The following IGSF21 variants were observed in gnomAD, a reference collection of about 807,000 sequenced individuals.
The protein encoded by IGSF21 is immunoglobin superfamily member 21.
IGSF21 carries 28 observed loss-of-function variants against 46.8 expected under a neutral mutation model. The ratio of observed to expected loss-of-function variants is 0.60; its 90% CI spans 0.44 to 0.82. IGSF21 has a LOEUF of 0.82. Among genes scored for constraint, IGSF21 ranks in the 40% least tolerant of loss-of-function variants. The pLI, the probability that IGSF21 is intolerant of heterozygous loss-of-function variation, is 0.00. For missense variants in IGSF21, 624 were observed against 665.5 expected, an observed-to-expected ratio of 0.94 and a Z score of 0.69; for synonymous variants, 284 against 273.6, an observed-to-expected ratio of 1.04 and a Z score of -0.38.
intron 1 of IGSF21, among the ~76,000 whole-genome samples, chr1:18,221,587 C>T (rs1034807507): frequency 7.9e-5 from 12 of 152,184 alleles, no homozygotes; most frequent in Admixed American, 4.6e-4. Context: ...ATATTGCCCG[C>T]GATTTTGCTA....
intron 3 of IGSF21, among the ~76,000 whole-genome samples, chr1:18,302,087 G>A (rs1356904565): frequency 2.0e-5 from 3 of 151,762 alleles, no homozygotes; most frequent in East Asian, 1.9e-4. Context: ...CCCCCATACC[G>A]GCATTGACCT....
chr1:18,167,344 A>G (rs559149835), intron 1 of IGSF21, among the ~76,000 whole-genome samples: 7 of 152,312 alleles, frequency 4.6e-5, no homozygotes, highest in Non-Finnish European at 1.5e-5. Context: ...CAAGGTAGAT[A>G]TGACCGGCCT....
chr1:18,146,651 T>C (rs1479086466), intron 1 of IGSF21, among the ~76,000 whole-genome samples: 3 of 152,174 alleles, frequency 2.0e-5, no homozygotes, highest in Admixed American at 1.3e-4. Context: ...TTGTTTGATA[T>C]GTGAGCAAAC....
intron 4 of IGSF21, among the ~76,000 whole-genome samples, chr1:18,353,063 A>G: frequency 6.6e-6 from 1 of 151,908 alleles, no homozygotes; most frequent in East Asian, 1.9e-4. Context: ...AAAAGGGCCC[A>G]TTGCAGCCCA....
intron 3 of IGSF21, among the ~76,000 whole-genome samples, chr1:18,333,951 T>G (rs1489911223): frequency 6.6e-6 from 1 of 152,236 alleles, no homozygotes; most frequent in Non-Finnish European, 1.5e-5. Context: ...AAATTCAAAT[T>G]TAAATGATCA....
intron 1 of IGSF21, among the ~76,000 whole-genome samples, chr1:18,148,546 A>G (rs2086491585): frequency 1.3e-5 from 2 of 152,192 alleles, no homozygotes; most frequent in African/African-American, 4.8e-5. Flanking sequence ...CTGGGATTTG[A>G]ACTCAGGCAG....
intron 1 of IGSF21, among the ~76,000 whole-genome samples, chr1:18,180,643 C>A (rs2086848637): frequency 6.6e-6 from 1 of 152,220 alleles, no homozygotes; most frequent in Admixed American, 6.5e-5. Context: ...CAGTTTCTGT[C>A]TGCACCAGAG....
At position 18,337,678 on chromosome 1, in the gene IGSF21, G is replaced by A. The variant is rs190127055; in HGVS notation, c.424+2668G>A. On this transcript the variant is annotated intron_variant, in intron 4 of 9. Coordinates refer to ENST00000251296, the MANE Select transcript of IGSF21 (RefSeq NM_032880.5). The surrounding 1 kb of genome is among the most constrained non-coding windows in gnomAD (Gnocchi z 5.7). ...CTGGGCTTCTTCCCCAAAGGTCTGC[G>A]TGTCCTGGCACCATGCACCTATGGA... Among the ~76,000 whole-genome samples, 836 of 152,224 alleles carry A rather than the reference G, an allele frequency of 5.5e-3. 6 individuals carry two copies. The highest frequency in any genetic ancestry group is 8.0e-3 in the Admixed American group (123 of 15,298).
chr1:18,139,253 G>A (rs2086393321), intron 1 of IGSF21, among the ~76,000 whole-genome samples: 1 of 152,198 alleles, frequency 6.6e-6, no homozygotes, highest in Non-Finnish European at 1.5e-5. Context: ...GGAGTGCTGT[G>A]TCTAATGAGA....
intron 2 of IGSF21, among the ~76,000 whole-genome samples, chr1:18,232,236 G>A (rs1167709254): frequency 1.1e-5 from 1 of 93,394 alleles, no homozygotes; most frequent in Admixed American, 1.4e-4. Flanking sequence ...GAGTAGGGGT[G>A]CAATTCCATA....
Position 18,275,477 on chromosome 1 carries a change from G to T in IGSF21, c.184-16389G>T, listed in dbSNP as rs947113256. Among the ~76,000 whole-genome samples the T allele has an allele frequency of 2.6e-5, 4 of 152,254 alleles. No individual in the cohort carries two copies. The East Asian group carries it at 7.7e-4, about 29-fold the overall frequency. On this transcript the variant is annotated intron_variant, in intron 2 of 9. Coordinates refer to ENST00000251296, the MANE Select transcript of IGSF21 (RefSeq NM_032880.5). The stretch of plus-strand genomic sequence containing the variant: ...TGCCTCTCCCACCGGGAGTGTCTTG[G>T]TGATCAGACATGCAGCAGCCATAAG...
At chr1:18,132,929 G>GGGACGGAGACAGGGGGAGGGAGT (rs1172941280) in intron 1 of IGSF21, among the ~76,000 whole-genome samples, 1 of 152,106 alleles carries the variant, frequency 6.6e-6, no homozygotes, top group African/African-American at 2.4e-5. Flanking sequence ...GGGGAGGGAG[G>GGGACGGAGACAGGGGGAGGGAGT]GGACGGAGAC....
intron 4 of IGSF21, among the ~76,000 whole-genome samples, chr1:18,341,743 G>A (rs773824371): frequency 3.3e-5 from 5 of 152,186 alleles, no homozygotes; most frequent in Non-Finnish European, 5.9e-5. Context: ...TGCTCCTCCA[G>A]AAGTTTACCA....
At chr1:18,275,614 A>T (rs541455049) in intron 2 of IGSF21, among the ~76,000 whole-genome samples, 1 of 152,260 alleles carries the variant, frequency 6.6e-6, no homozygotes, top group South Asian at 2.1e-4. Context: ...ACCTCACCCA[A>T]CTATGGAACA....
intron 3 of IGSF21, among the ~76,000 whole-genome samples, chr1:18,328,057 TC>T (rs2124600545): frequency 6.6e-6 from 1 of 152,284 alleles, no homozygotes; most frequent in Non-Finnish European, 1.5e-5. Flanking sequence ...TCCAGCCTCC[TC>T]CCTCTAAGAA....
At chr1:18,108,511 C>A (rs1235877808) in intron 1 of IGSF21, among the ~76,000 whole-genome samples, 1 of 149,388 alleles carries the variant, frequency 6.7e-6, no homozygotes, top group Non-Finnish European at 1.5e-5. Context: ...TGTGTGTGTG[C>A]GTGTGTGTGT....
chr1:18,369,076 G>A (rs568449648), intron 6 of IGSF21, among the ~76,000 whole-genome samples: 1 of 152,294 alleles, frequency 6.6e-6, no homozygotes, highest in African/African-American at 2.4e-5. Context: ...TAAGCAGTGG[G>A]CCTGGACAGG....
intron 4 of IGSF21, among the ~76,000 whole-genome samples, chr1:18,355,816 C>G (rs1461269789): frequency 1.3e-5 from 2 of 148,886 alleles, no homozygotes; most frequent in African/African-American, 5.0e-5. Context: ...GAAACTCTGC[C>G]CATGTCTAGA....
chr1:18,251,078 G>T (rs370344526), intron 2 of IGSF21, among the ~76,000 whole-genome samples: 1 of 152,082 alleles, frequency 6.6e-6, no homozygotes. Flanking sequence ...ATCTATGGAT[G>T]GGATGAGCGT....
Sources: gnomAD v4.1 joint callset for allele counts (sites outside exome capture counted in the v4.1 genomes callset) on GRCh38, gnomAD v4.1.1 for gene constraint, Gnocchi (gnomAD v3.1) non-coding constraint, MANE v1.5 for transcripts, NCBI Gene and HGNC (gene_info 2026-07-23, HGNC 2026-07-21) for gene names.